The following EEF2K variants were observed in gnomAD, a reference collection of about 807,000 sequenced individuals.
EEF2K encodes the protein alternative protein EEF2K.
In EEF2K, 70 loss-of-function variants were observed where a neutral mutation model predicts 93.8. The ratio of observed to expected loss-of-function variants is 0.75; its 90% confidence interval spans 0.62 to 0.91. EEF2K has a LOEUF of 0.91. Among genes scored for constraint, EEF2K ranks in the 40% least tolerant of loss-of-function variants. EEF2K has a pLI of 0.00. For synonymous variants in EEF2K, 376 were observed against 380.8 expected (o/e 0.99, Z 0.15); for missense variants, 935 against 972.9 (o/e 0.96, Z 0.52).
rs1196464366 is a variant in EEF2K at position 22,257,675 on chromosome 16, C to T, written c.934C>T (p.His312Tyr). 3.7e-6 allele frequency: 6 copies of T among 1,613,836 alleles called. No individual in the cohort carries two copies. The South Asian group carries it at 5.5e-5, about 15-fold the overall frequency. ...VRGMALFFYS[H>Y]ACNRICESMG... ...CGGGATGGCGCTCTTCTTCTACTCT[C>T]ATGCCTGCAACCGGATTTGCGAGAG... Residue 312 changes from histidine to tyrosine, a missense_variant, in exon 9 of 18, where the codon CAT (histidine) becomes TAT (tyrosine). By Grantham distance (83) the His-to-Tyr change is moderately conservative. Transcript: ENST00000263026.
intron 16 of EEF2K, among the ~76,000 whole-genome samples, chr16:22,274,593 T>A (rs553549647): frequency 6.6e-6 from 1 of 152,222 alleles, no homozygotes; most frequent in East Asian, 1.9e-4. Flanking sequence ...TGGGTGATTT[T>A]AATTGACTTT....
At chr16:22,222,947 C>T (rs975551462) in intron 1 of EEF2K, among the ~76,000 whole-genome samples, 1 of 152,008 alleles carries the variant, frequency 6.6e-6, no homozygotes, top group Non-Finnish European at 1.5e-5. Flanking sequence ...AATTTTAGAA[C>T]CTTTTCATCA....
intron 7 of EEF2K, 141 bp downstream of exon 7, chr16:22,257,038 G>T: frequency 7.0e-7 from 1 of 1,426,838 alleles, no homozygotes; most frequent in Non-Finnish European, 9.4e-7. Context: ...TTCAGAAGGA[G>T]ACCCGTCACC....
rs2047250965 is a variant in EEF2K, at chr16:22,243,807, C to T, written c.247-823C>T. Among the ~76,000 whole-genome samples, 3 of 150,608 alleles carry T rather than the reference C, an allele frequency of 2.0e-5. No homozygotes were observed. In the South Asian group the frequency reaches 6.3e-4, roughly 32 times the overall value. Reference sequence around the variant, plus strand: ...GTATAGTGGTGTGCACCTGTAGGTCCAGCTACTCCCAAGGCTGAGGTGGGA... The same window carrying T: ...GTATAGTGGTGTGCACCTGTAGGTCTAGCTACTCCCAAGGCTGAGGTGGGA... On this transcript the variant is annotated intron_variant, in intron 2 of 17. Transcript: ENST00000263026.
chr16:22,251,133 T>G lies in EEF2K; in HGVS notation c.447-18T>G. 1 of 1,609,384 alleles carries G rather than the reference T, an allele frequency of 6.2e-7. No homozygotes were observed. Among genetic ancestry groups the G allele is most frequent in the Non-Finnish European group, 8.5e-7 (1 of 1,177,520 alleles). ...CCCCAGAGTACCCAGGTAGGCCCCC[T>G]GTTGCCTCTTCCCACAGGAAGAAGC... On this transcript the variant is annotated intron_variant, in intron 5 of 17. Transcript: ENST00000263026.
At chr16:22,236,132 G>A (rs1205825959) in intron 2 of EEF2K, among the ~76,000 whole-genome samples, 1 of 152,012 alleles carries the variant, frequency 6.6e-6, no homozygotes, top group Non-Finnish European at 1.5e-5. Context: ...TTCCATGCTG[G>A]GTTCCACTGA....
At chr16:22,223,451 A>C (rs546402908) in intron 1 of EEF2K, among the ~76,000 whole-genome samples, 4 of 151,676 alleles carry the variant, frequency 2.6e-5, no homozygotes, top group African/African-American at 7.3e-5. Context: ...GCTACCTTTT[A>C]TATTTTTAGT....
In EEF2K at chr16:22,251,134, G is replaced by A. The variant is rs1386307627; in HGVS notation, c.447-17G>A. 1 of 1,609,678 alleles carries A rather than the reference G, an allele frequency of 6.2e-7. No homozygotes were observed. Among genetic ancestry groups the A allele is most frequent in the Admixed American group, 1.7e-5 (1 of 59,724 alleles). On this transcript the variant is annotated splice_polypyrimidine_tract_variant and intron_variant, in intron 5 of 17. Coordinates refer to ENST00000263026, the MANE Select transcript of EEF2K (RefSeq NM_013302.5). ...CCCAGAGTACCCAGGTAGGCCCCCT[G>A]TTGCCTCTTCCCACAGGAAGAAGCT...
chr16:22,240,224 G>A (rs762271077), intron 2 of EEF2K, among the ~76,000 whole-genome samples: 1 of 152,036 alleles, frequency 6.6e-6, no homozygotes, highest in African/African-American at 2.4e-5. Context: ...AAGTCTAACA[G>A]TGGAGAGCAA....
chr16:22,243,431 T>C (rs1045909737), intron 2 of EEF2K, among the ~76,000 whole-genome samples: 2 of 151,666 alleles, frequency 1.3e-5, no homozygotes, highest in Admixed American at 6.6e-5. Flanking sequence ...TTTGTATTTT[T>C]AGTAGAGACA....
intron 15 of EEF2K, among the ~76,000 whole-genome samples, chr16:22,267,733 G>A (rs944358222): frequency 5.9e-5 from 9 of 152,158 alleles, no homozygotes; most frequent in Admixed American, 6.6e-5. Flanking sequence ...GAGACAAGGT[G>A]CACCCGTGTA....
intron 1 of EEF2K, among the ~76,000 whole-genome samples, chr16:22,220,961 CAGTG>C (rs1413452184): frequency 6.6e-6 from 1 of 152,178 alleles, no homozygotes; most frequent in African/African-American, 2.4e-5. Context: ...GAGCAGCTGA[CAGTG>C]AGGAGAGGCC....
intron 1 of EEF2K, among the ~76,000 whole-genome samples, chr16:22,217,705 G>C (rs2046972594): frequency 3.9e-5 from 6 of 152,118 alleles, no homozygotes; most frequent in Admixed American, 3.9e-4. Flanking sequence ...CACCTGCCTT[G>C]GCCTTCCAAA....
chr16:22,233,066 G>A (rs1180085108), intron 2 of EEF2K, among the ~76,000 whole-genome samples: 1 of 152,190 alleles, frequency 6.6e-6, no homozygotes, highest in Non-Finnish European at 1.5e-5. Flanking sequence ...CATTCAGGGG[G>A]CCGCCCTCTC....
Position 22,251,318 on chromosome 16 carries a change from A to C in EEF2K, c.614A>C (p.Lys205Thr). 6.2e-7 allele frequency: 1 copy of C among 1,613,930 alleles called. No individual in the cohort carries two copies. Among genetic ancestry groups the C allele is most frequent in the Non-Finnish European group, 8.5e-7 (1 of 1,179,922 alleles). The stretch of plus-strand genomic sequence containing the variant: ...GAGTATAATCGGCACAAGCCCCCCA[A>C]GCAGGTGCGTGGCCCCACTACCTGC... ...GEEYNRHKPP[K>T]QVDIMQMCII... is the part of the protein sequence containing the mutation. The change falls in exon 6 of 18, where the codon AAG becomes ACG. Residue 205 changes from lysine to threonine, a missense_variant. Physicochemically the swap from Lys to Thr is moderately conservative, Grantham distance 78. Coordinates refer to ENST00000263026, the MANE Select transcript of EEF2K (RefSeq NM_013302.5).
At chr16:22,280,663 CTTT>C (rs11289061) in intron 17 of EEF2K, among the ~76,000 whole-genome samples, 1 of 130,182 alleles carries the variant, frequency 7.7e-6, no homozygotes, top group African/African-American at 3.0e-5. Flanking sequence ...TCCTTTCTTT[CTTT>C]TTTTTTTTTT....
intron 5 of EEF2K, 152 bp downstream of exon 5, chr16:22,250,843 C>A: frequency 2.9e-6 from 3 of 1,034,234 alleles, no homozygotes; most frequent in South Asian, 1.6e-5. Context: ...CTCCCTCGGG[C>A]CACACATTGG....
chr16:22,282,154 T>TACC lies in EEF2K; in HGVS notation c.2069-1729_2069-1727dup, dbSNP rs1243648807. On this transcript the variant is annotated intron_variant, in intron 17 of 17. Transcript: ENST00000263026. Reference sequence around the variant, plus strand: ...TGGCACACTCAGTGAGCTATGATCATACCACCGCACTTCAGCCTGGGCAAC... The same window carrying TACC: ...TGGCACACTCAGTGAGCTATGATCATACCACCACCGCACTTCAGCCTGGGCAAC... Among the ~76,000 whole-genome samples the TACC allele has an allele frequency of 7.9e-5, 12 of 152,222 alleles. No individual in the cohort carries two copies. In the East Asian group the frequency reaches 2.3e-3, roughly 29 times the overall value.
At chr16:22,227,922 C>A (rs544854683) in intron 2 of EEF2K, among the ~76,000 whole-genome samples, 2 of 151,230 alleles carry the variant, frequency 1.3e-5, no homozygotes, top group Non-Finnish European at 2.9e-5. Flanking sequence ...CATAGGAACA[C>A]CCCATCTTTA....
Sources: gnomAD v4.1 joint callset for allele counts (sites outside exome capture counted in the v4.1 genomes callset) on GRCh38, gnomAD v4.1.1 for gene constraint, MANE v1.5 for transcripts, NCBI Gene and HGNC (gene_info 2026-07-23, HGNC 2026-07-21) for gene names.